The following ARSG variants were observed in gnomAD, a reference collection of about 807,000 sequenced individuals.
The protein encoded by ARSG is arylsulfatase G, also known as ASG.
In ARSG, 37 loss-of-function variants were observed where a neutral mutation model predicts 50.5. The ratio of observed to expected loss-of-function variants is 0.73; its 90% confidence interval spans 0.56 to 0.96. The LOEUF (loss-of-function observed/expected upper bound fraction) is 0.96. Ranked by LOEUF, ARSG falls within the 50% of genes least tolerant of loss-of-function variation. The pLI is 0.00. For synonymous variants in ARSG, 225 were observed against 254.6 expected, an observed-to-expected ratio of 0.88 and a Z score of 1.11; for missense variants, 629 against 675.3, an observed-to-expected ratio of 0.93 and a Z score of 0.76.
intron 1 of ARSG, chr17:68,278,046 G>A: frequency 7.3e-7 from 1 of 1,364,120 alleles, no homozygotes; most frequent in Middle Eastern, 1.8e-4. Context: ...AAATTAAAAG[G>A]GCCCTATACT....
At chr17:68,429,975 A>G in the ARSG span, 1 of 1,613,814 alleles carries the variant, frequency 6.2e-7, no homozygotes, top group Non-Finnish European at 8.5e-7. Flanking sequence ...TCTTGTTCAG[A>G]GTGGGTGTCA....
intron 1 of ARSG, among the ~76,000 whole-genome samples, chr17:68,263,317 G>A (rs1419474728): frequency 6.6e-6 from 1 of 152,256 alleles, no homozygotes; most frequent in Non-Finnish European, 1.5e-5. Flanking sequence ...CGCTACGATC[G>A]CCCTCACTTA....
upstream of ARSG, among the ~76,000 whole-genome samples, chr17:68,288,956 C>T: frequency 6.6e-6 from 1 of 152,198 alleles, no homozygotes; most frequent in East Asian, 1.9e-4. Flanking sequence ...GCCATCTTCC[C>T]TTCACCCTAG....
intron 11 of ARSG, among the ~76,000 whole-genome samples, chr17:68,417,577 T>C (rs1360540642): frequency 1.3e-5 from 2 of 151,954 alleles, no homozygotes; most frequent in African/African-American, 4.8e-5. Context: ...AGGGCTTCCC[T>C]ACTCCTGGCA....
intron 2 of ARSG, among the ~76,000 whole-genome samples, chr17:68,319,629 C>T (rs2077200982): frequency 6.6e-6 from 1 of 152,204 alleles, no homozygotes; most frequent in Non-Finnish European, 1.5e-5. Context: ...TTAATAGTTC[C>T]TCTTTTAAGC....
At chr17:68,424,964 C>T (rs1046719033), downstream of ARSG, among the ~76,000 whole-genome samples, 2 of 152,200 alleles carry the variant, frequency 1.3e-5, no homozygotes, top group Admixed American at 6.5e-5. Context: ...CTCACAAGAG[C>T]GGTCTATATG....
chr17:68,305,392 G>A (rs114874815), intron 1 of ARSG, among the ~76,000 whole-genome samples: 1,783 of 152,234 alleles, frequency 0.012, 30 homozygotes, highest in African/African-American at 0.041. Flanking sequence ...CAACTTTGCT[G>A]CTTAAAGTGT....
chr17:68,309,999 G>C (rs1467860576), intron 2 of ARSG, among the ~76,000 whole-genome samples: 25 of 151,224 alleles, frequency 1.7e-4, no homozygotes, highest in East Asian at 7.8e-4. Context: ...TTGAGATGGA[G>C]TTCCGCTCTT....
chr17:68,403,630 C>T (rs953012711), intron 11 of ARSG, among the ~76,000 whole-genome samples: 6 of 152,202 alleles, frequency 3.9e-5, no homozygotes, highest in Admixed American at 1.3e-4. Flanking sequence ...GTTATGGTCA[C>T]GCACTGGGAG....
chr17:68,264,975 G>A (rs1335413076), intron 1 of ARSG, among the ~76,000 whole-genome samples: 42 of 143,606 alleles, frequency 2.9e-4, no homozygotes, highest in Middle Eastern at 4.6e-3. Flanking sequence ...CCAAGATGGC[G>A]AAACCCTGTC....
intron 8 of ARSG, 101 bp downstream of exon 8, chr17:68,370,625 CT>C: frequency 9.7e-7 from 1 of 1,029,518 alleles, no homozygotes; most frequent in Non-Finnish European, 1.5e-6. Flanking sequence ...ATATCTGGGC[CT>C]TAGGGTCATC....
chr17:68,331,988 C>T (rs2077795336), intron 2 of ARSG, among the ~76,000 whole-genome samples: 1 of 152,190 alleles, frequency 6.6e-6, no homozygotes, highest in African/African-American at 2.4e-5. Context: ...AAGTTTCCGA[C>T]ATGCATTGTC....
chr17:68,433,277 G>A, the ARSG span, among the ~76,000 whole-genome samples: 2 of 152,220 alleles, frequency 1.3e-5, no homozygotes, highest in African/African-American at 4.8e-5. Context: ...CACGTGGGTG[G>A]CTCCCAGTTT....
downstream of ARSG, among the ~76,000 whole-genome samples, chr17:68,423,755 T>C (rs1377917398): frequency 6.6e-6 from 1 of 152,164 alleles, no homozygotes; most frequent in Non-Finnish European, 1.5e-5. This position sits in a 1 kb window ranked among gnomAD's most constrained non-coding sequence, Gnocchi z 4.4. Context: ...CCCAAATAAA[T>C]GATCTGCACA....
rs71293553 is a variant in ARSG, at chr17:68,381,961, C to CTTTT, written c.983-3093_983-3090dup. On this transcript the variant is annotated intron_variant, in intron 8 of 11. Coordinates refer to ENST00000621439, the MANE Select transcript of ARSG (RefSeq NM_001267727.2). The surrounding 1 kb of genome is among the most constrained non-coding windows in gnomAD (Gnocchi z 4.1). Reference sequence around the variant, plus strand: ...TTGGCTCTATCATTTTCTTTCTTTCCTTTTTTTTTTTTTGACAGAGTCTCT... The same window carrying CTTTT: ...TTGGCTCTATCATTTTCTTTCTTTCCTTTTTTTTTTTTTTTTTGACAGAGTCTCT... 2.1e-5 allele frequency among the ~76,000 whole-genome samples: 3 copies of CTTTT among 142,596 alleles called. No homozygotes were observed. The highest frequency in any genetic ancestry group is 7.1e-5 in the Admixed American group (1 of 14,030). The allele number at this position is 142,596 out of a possible 152,430, so 93.5% of individuals were successfully genotyped here. A position where few individuals can be genotyped will look rare whatever the true frequency, so the allele number is the denominator to read the frequency against.
chr17:68,413,282 TG>T (rs1230399625), intron 11 of ARSG, among the ~76,000 whole-genome samples: 2 of 152,042 alleles, frequency 1.3e-5, no homozygotes, highest in East Asian at 3.9e-4. Context: ...ATGATGGTGA[TG>T]TACAGATGGG....
At chr17:68,438,268 T>C in the ARSG span, among the ~76,000 whole-genome samples, 1 of 152,212 alleles carries the variant, frequency 6.6e-6, no homozygotes, top group Non-Finnish European at 1.5e-5. Flanking sequence ...CCTTTGGCGA[T>C]ACAAGGTCAT....
At chr17:68,427,313 C>T (rs568307307), downstream of ARSG, 8 of 1,286,896 alleles carry the variant, frequency 6.2e-6, no homozygotes, top group Non-Finnish European at 7.8e-6. Flanking sequence ...ATCTAGGACA[C>T]CTTCCAAAGG....
At chr17:68,295,246 T>C (rs1269602853) in intron 1 of ARSG, among the ~76,000 whole-genome samples, 1 of 151,994 alleles carries the variant, frequency 6.6e-6, no homozygotes, top group Non-Finnish European at 1.5e-5. Flanking sequence ...GTGAGGCCAT[T>C]CTGTATTTGG....
Sources: gnomAD v4.1 joint callset for allele counts (sites outside exome capture counted in the v4.1 genomes callset) on GRCh38, gnomAD v4.1.1 for gene constraint, Gnocchi (gnomAD v3.1) non-coding constraint, MANE v1.5 for transcripts, NCBI Gene and HGNC (gene_info 2026-07-23, HGNC 2026-07-21) for gene names.